Variants in GMEB1 observed in about 807,000 individuals in gnomAD.
GMEB1 encodes glucocorticoid modulatory element binding protein 1, also known as glucocorticoid modulatory element-binding protein 1.
In GMEB1, 6 loss-of-function variants were observed where a neutral mutation model predicts 52.4. That is an observed-to-expected ratio of 0.11 (90% CI 0.06 to 0.23). The LOEUF (loss-of-function observed/expected upper bound fraction) is 0.23. Ranked by LOEUF, GMEB1 falls within the 10% of genes least tolerant of loss-of-function variation. The pLI, the probability that GMEB1 is intolerant of heterozygous loss-of-function variation, is 1.00. For missense variants in GMEB1, 486 were observed against 685.6 expected, an observed-to-expected ratio of 0.71 and a Z score of 3.25; for synonymous variants, 255 against 244.9, an observed-to-expected ratio of 1.04 and a Z score of -0.38.
intron 1 of GMEB1, among the ~76,000 whole-genome samples, chr1:28,671,016 C>G (rs1668859576): frequency 6.6e-6 from 1 of 152,094 alleles, no homozygotes; most frequent in Non-Finnish European, 1.5e-5. Context: ...TCCCATCGCT[C>G]CCTCAAACAT....
At chr1:28,700,955 A>G (rs939934822) in intron 6 of GMEB1, among the ~76,000 whole-genome samples, 11 of 152,240 alleles carry the variant, frequency 7.2e-5, no homozygotes, top group African/African-American at 2.6e-4. Context: ...ATGGATGGAA[A>G]ATATGGTATT....
At chr1:28,674,805 G>A (rs1256176268) in intron 1 of GMEB1, among the ~76,000 whole-genome samples, 1 of 120,934 alleles carries the variant, frequency 8.3e-6, no homozygotes, top group Non-Finnish European at 1.6e-5. Context: ...TGCAAGCTCC[G>A]CCTCCCGGGT....
At chr1:28,694,518 GAA>G (rs35909571) in intron 5 of GMEB1, among the ~76,000 whole-genome samples, 9 of 140,200 alleles carry the variant, frequency 6.4e-5, no homozygotes, top group South Asian at 2.2e-4. Flanking sequence ...AAGAGCAATT[GAA>G]AAAAAAAAAA....
chr1:28,692,892 G>A (rs773698776), intron 4 of GMEB1, 50 bp from the exon 5 acceptor site: 4 of 920,214 alleles, frequency 4.3e-6, no homozygotes, highest in South Asian at 3.1e-5. Context: ...TCCCCTCTTG[G>A]CCTGCCTAAG....
At position 28,714,509 on chromosome 1, in the gene GMEB1, C is replaced by T. The variant is rs1240741512; in HGVS notation, c.1428C>T (p.Gly476=). The T allele has an allele frequency of 1.2e-5, 19 of 1,614,180 alleles. No individual in the cohort carries two copies. Among genetic ancestry groups the T allele is most frequent in the Non-Finnish European group, 1.5e-5 (18 of 1,180,032 alleles). The part of the protein sequence containing the change: ...STAMQDGSTL[G]NMTTMVSPVE... ...CCATGCAGGATGGGAGTACACTGGG[C>T]AACATGACCACCATGGTTAGCCCTG... The change falls in exon 10 of 10, where the codon GGC becomes GGT. Residue 476 remains glycine (G), a synonymous_variant. Transcript: ENST00000373816.
chr1:28,679,653 G>A (rs1223256725), intron 1 of GMEB1, among the ~76,000 whole-genome samples: 1 of 152,112 alleles, frequency 6.6e-6, no homozygotes, highest in Non-Finnish European at 1.5e-5. Context: ...TAGCTGATGT[G>A]AGGTAGAGAC....
intron 1 of GMEB1, among the ~76,000 whole-genome samples, chr1:28,678,842 C>T (rs918533855): frequency 3.3e-5 from 5 of 152,100 alleles, no homozygotes; most frequent in Non-Finnish European, 5.9e-5. Context: ...CCACCTCAGC[C>T]TCCCAAAGTG....
chr1:28,676,539 AAC>A lies in GMEB1; in HGVS notation c.-30-7041_-30-7040del, dbSNP rs1669157226. 7.2e-5 allele frequency among the ~76,000 whole-genome samples: 11 copies of A among 152,146 alleles called. No homozygotes were observed. The South Asian group carries it at 2.3e-3, about 32-fold the overall frequency. On this transcript the variant is annotated intron_variant, in intron 1 of 9. Coordinates refer to ENST00000373816, the MANE Select transcript of GMEB1 (RefSeq NM_001319674.2). ...CCAGGAGATCGAGACCATCCTGACTAACACGGTGAAACCCTGTCTCTACTAAA... is the reference window on the plus strand; with the variant it reads ...CCAGGAGATCGAGACCATCCTGACTAACGGTGAAACCCTGTCTCTACTAAA...
chr1:28,684,197 T>A (rs1342659259), intron 2 of GMEB1, among the ~76,000 whole-genome samples: 1 of 152,114 alleles, frequency 6.6e-6, no homozygotes, highest in Non-Finnish European at 1.5e-5. Context: ...TTTTCTTTTT[T>A]TATTTTCATA....
At position 28,690,084 on chromosome 1, in the gene GMEB1, G is replaced by T. The variant is rs142807878; in HGVS notation, c.129-20G>T. Reference sequence around the variant, plus strand: ...TCATGATTTATGTAGTTTGTTTATCGATGGACACTTTTACAACAGGATTTA... The same window carrying T: ...TCATGATTTATGTAGTTTGTTTATCTATGGACACTTTTACAACAGGATTTA... On this transcript the variant is annotated intron_variant, in intron 2 of 9. Transcript: ENST00000373816. 2.6e-6 allele frequency: 4 copies of T among 1,567,432 alleles called. No individual in the cohort carries two copies. The highest frequency in any genetic ancestry group is 3.5e-6 in the Non-Finnish European group (4 of 1,150,254).
At chr1:28,670,348 A>G (rs1668827903) in intron 1 of GMEB1, among the ~76,000 whole-genome samples, 1 of 150,046 alleles carries the variant, frequency 6.7e-6, no homozygotes, top group Non-Finnish European at 1.5e-5. Flanking sequence ...GTTGTTTGAG[A>G]CGGAGTTTCA....
In GMEB1 at chr1:28,705,552, C is replaced by T. The variant is rs368176861; in HGVS notation, c.868+1223C>T. On this transcript the variant is annotated intron_variant, in intron 8 of 9. Transcript: ENST00000373816. Reference sequence around the variant, plus strand: ...GCAACCTCCACCTCCTGAGTTCAAGCGATTCTCCTGCCTTAGACTCCTGAG... The same window carrying T: ...GCAACCTCCACCTCCTGAGTTCAAGTGATTCTCCTGCCTTAGACTCCTGAG... Among the ~76,000 whole-genome samples the T allele has an allele frequency of 7.7e-3, 1,152 of 150,276 alleles. 10 individuals carry two copies. The highest frequency in any genetic ancestry group is 0.023 in the South Asian group (110 of 4,742).
intron 5 of GMEB1, among the ~76,000 whole-genome samples, chr1:28,695,340 C>T (rs978383021): frequency 6.6e-6 from 1 of 151,688 alleles, no homozygotes; most frequent in Middle Eastern, 3.2e-3. Context: ...TCAAGCAATT[C>T]TCCTGCCTCA....
Position 28,690,158 on chromosome 1 carries a change from C to A in GMEB1, c.183C>A (p.His61Gln). ...CGGCAGTTGTAGCAGTAGAAACTCA[C>A]ACGATACACAAAATTGAAGAAGGGA... Reference protein sequence around the residue: ...NNTAVVAVETHTIHKIEEGID... With the variant: ...NNTAVVAVETQTIHKIEEGID... The change falls in exon 3 of 10, where the codon CAC becomes CAA. Residue 61 changes from histidine to glutamine, a missense_variant. Physicochemically the swap from His to Gln is conservative, Grantham distance 24. Around this residue, in one of 5 missense-constraint regions of GMEB1, gnomAD observed 88 missense variants for 96.5 expected, o/e 0.91. Transcript: ENST00000373816. 2 of 1,543,920 alleles carry A rather than the reference C, an allele frequency of 1.3e-6. No individual in the cohort carries two copies. The highest frequency in any genetic ancestry group is 1.8e-6 in the Non-Finnish European group (2 of 1,127,068).
intron 7 of GMEB1, 96 bp from the exon 8 acceptor site, chr1:28,704,096 G>A: frequency 9.1e-7 from 1 of 1,101,934 alleles, no homozygotes; most frequent in Non-Finnish European, 1.3e-6. Context: ...AAATCATTTT[G>A]AGTTAAAATA....
chr1:28,704,269 A>G lies in GMEB1; in HGVS notation c.808A>G (p.Ile270Val). The G allele has an allele frequency of 6.2e-7, 1 of 1,613,922 alleles. No homozygotes were observed. Among genetic ancestry groups the G allele is most frequent in the African/African-American group, 1.3e-5 (1 of 75,012 alleles). ...GGTTGTCTGCAATATACAGAAGGAA[A>G]TAGAGGAGCTACTCAGGGGAGTTCA... ...EEVVCNIQKEIEELLRGVQQR... is the reference protein window; with the variant it reads ...EEVVCNIQKEVEELLRGVQQR... Residue 270 changes from isoleucine (I) to valine (V), a missense_variant, in exon 8 of 10, where the codon ATA becomes GTA. Physicochemically the swap from Ile to Val is conservative, Grantham distance 29 (BLOSUM62 3). This residue lies in a region of GMEB1 where 200 missense variants were observed against 253.5 expected (regional missense o/e 0.79). Coordinates refer to ENST00000373816, the MANE Select transcript of GMEB1 (RefSeq NM_001319674.2).
intron 1 of GMEB1, among the ~76,000 whole-genome samples, chr1:28,674,633 G>A (rs1669056946): frequency 6.7e-6 from 1 of 150,052 alleles, no homozygotes; most frequent in Non-Finnish European, 1.5e-5. Flanking sequence ...GACCTCAGGT[G>A]ATCTGACTGC....
chr1:28,672,442 C>T (rs1557492803), intron 1 of GMEB1, among the ~76,000 whole-genome samples: 1 of 141,310 alleles, frequency 7.1e-6, no homozygotes, highest in South Asian at 2.2e-4. Flanking sequence ...CCAGGATGAT[C>T]TCCATCTCCT....
chr1:28,674,116 C>G (rs982810146), intron 1 of GMEB1, among the ~76,000 whole-genome samples: 4 of 150,752 alleles, frequency 2.7e-5, no homozygotes, highest in Non-Finnish European at 4.4e-5. Flanking sequence ...TGCCATTGCA[C>G]TCCAGCCTGG....
Sources: gnomAD v4.1 joint callset for allele counts (sites outside exome capture counted in the v4.1 genomes callset) on GRCh38, gnomAD v4.1.1 for gene constraint, gnomAD v4.1.1 regional missense constraint, MANE v1.5 for transcripts, NCBI Gene and HGNC (gene_info 2026-07-23, HGNC 2026-07-21) for gene names.